KRABD2: variants seen among roughly 807,000 people sequenced by gnomAD.
KRABD2 encodes KRAB domain-containing protein 2.
chr17:8,361,116 A>G, the KRABD2 span, among the ~76,000 whole-genome samples: 1 of 152,170 alleles, frequency 6.6e-6, no homozygotes, highest in Non-Finnish European at 1.5e-5. Context: ...CTATTCCACA[A>G]TATAAGGCCA....
the KRABD2 span, chr17:8,367,099 T>A: frequency 6.6e-6 from 1 of 152,224 alleles, no homozygotes; most frequent in African/African-American, 2.4e-5. Flanking sequence ...GTATTAGATA[T>A]ATCTAGGGCA....
chr17:8,366,282 T>C, the KRABD2 span, among the ~76,000 whole-genome samples: 44 of 152,192 alleles, frequency 2.9e-4, no homozygotes, highest in Non-Finnish European at 4.8e-4. Flanking sequence ...ACACAGGTCC[T>C]GGGCACTGTC....
chr17:8,376,654 G>A, the KRABD2 span: 2 of 985,406 alleles, frequency 2.0e-6, no homozygotes, highest in Middle Eastern at 5.2e-4. Flanking sequence ...GGACACACCA[G>A]ACGCGGCGTC....
At chr17:8,370,703 GGA>G in the KRABD2 span, among the ~76,000 whole-genome samples, 32,945 of 152,050 alleles carry the variant, frequency 0.22, 3,797 homozygotes, top group Non-Finnish European at 0.27. Context: ...TAACTGAATA[GGA>G]GAGAGGATAA....
chr17:8,374,808 T>C, the KRABD2 span, among the ~76,000 whole-genome samples: 1 of 148,702 alleles, frequency 6.7e-6, no homozygotes, highest in South Asian at 2.1e-4. Flanking sequence ...TAGCTGGGCA[T>C]GGTGGCGAGC....
At chr17:8,368,004 T>G in the KRABD2 span, among the ~76,000 whole-genome samples, 3 of 144,654 alleles carry the variant, frequency 2.1e-5, no homozygotes, top group Non-Finnish European at 4.5e-5. Context: ...GGCGTGTGCC[T>G]GTAATCCTAG....
At chr17:8,370,192 C>T in the KRABD2 span, 1 of 1,612,896 alleles carries the variant, frequency 6.2e-7, no homozygotes, top group East Asian at 2.2e-5. Context: ...TCTTTAACTT[C>T]CTTTATTGTT....
chr17:8,363,830 C>CATACATATATATATAT, the KRABD2 span, among the ~76,000 whole-genome samples: 53 of 86,956 alleles, frequency 6.1e-4, 2 homozygotes, highest in South Asian at 1.6e-3. Flanking sequence ...ATATATCATA[C>CATACATATATATATAT]ATATATATAT....
the KRABD2 span, chr17:8,359,478 A>C: frequency 1.4e-5 from 6 of 415,360 alleles, no homozygotes; most frequent in African/African-American, 2.1e-5. Flanking sequence ...ATTTTTCTGC[A>C]TTTAGCAGTC....
chr17:8,376,382 C>T, the KRABD2 span: 11 of 1,177,010 alleles, frequency 9.3e-6, no homozygotes, highest in Non-Finnish European at 1.0e-5. Flanking sequence ...CAATCGATTG[C>T]TATGAAGATT....
the KRABD2 span, among the ~76,000 whole-genome samples, chr17:8,359,295 C>T: frequency 1.3e-5 from 2 of 152,180 alleles, no homozygotes; most frequent in Non-Finnish European, 2.9e-5. Flanking sequence ...TCTGCCAGGT[C>T]TCTGAGCGAG....
chr17:8,370,711 G>C, the KRABD2 span, among the ~76,000 whole-genome samples: 3 of 151,192 alleles, frequency 2.0e-5, no homozygotes, highest in Non-Finnish European at 4.4e-5. Context: ...TAGGAGAGAG[G>C]ATAAACAGAA....
chr17:8,363,011 T>C, the KRABD2 span, among the ~76,000 whole-genome samples: 1 of 152,340 alleles, frequency 6.6e-6, no homozygotes, highest in African/African-American at 2.4e-5. Flanking sequence ...TGCAAAGTTC[T>C]CGAAGAACAT....
chr17:8,372,898 TAAAAATAAA>T, the KRABD2 span, among the ~76,000 whole-genome samples: 1 of 151,734 alleles, frequency 6.6e-6, no homozygotes, highest in Non-Finnish European at 1.5e-5. The surrounding 1 kb of genome is among the most constrained non-coding windows in gnomAD (Gnocchi z 4.1). Context: ...ACCCTGTCTC[TAAAAATAAA>T]AAAAAGAAAA....
chr17:8,375,829 C>G, the KRABD2 span: 1 of 1,063,246 alleles, frequency 9.4e-7, no homozygotes, highest in African/African-American at 1.6e-5. Flanking sequence ...TATGTGACGG[C>G]TAGGTGATAA....
chr17:8,369,353 T>C, the KRABD2 span: 6 of 1,614,272 alleles, frequency 3.7e-6, no homozygotes, highest in Non-Finnish European at 5.1e-6. Context: ...TTGAGGAATA[T>C]AGCCCAAATT....
At chr17:8,371,847 A>G in the KRABD2 span, 5 of 1,045,032 alleles carry the variant, frequency 4.8e-6, no homozygotes, top group Non-Finnish European at 5.8e-6. Flanking sequence ...TATCCTGCAG[A>G]AAAGAGATAC....
At chr17:8,369,944 G>A in the KRABD2 span, 1 of 1,614,176 alleles carries the variant, frequency 6.2e-7, no homozygotes, top group Admixed American at 1.7e-5. Context: ...CTTCTTTGGT[G>A]ACATTCCCAT....
the KRABD2 span, chr17:8,369,046 A>C: frequency 6.6e-7 from 1 of 1,509,420 alleles, no homozygotes; most frequent in Non-Finnish European, 8.8e-7. Context: ...TGCAGCCTTC[A>C]ATCTTTTCCT....
Sources: gnomAD v4.1 joint callset for allele counts (sites outside exome capture counted in the v4.1 genomes callset) on GRCh38, gnomAD v4.1.1 for gene constraint, Gnocchi (gnomAD v3.1) non-coding constraint, MANE v1.5 for transcripts, NCBI Gene and HGNC (gene_info 2026-07-23, HGNC 2026-07-21) for gene names.